Variants in CSMD1 observed in about 807,000 individuals in gnomAD.
CSMD1 encodes CUB and sushi domain-containing protein 1.
In CSMD1, 213 loss-of-function variants were observed where a neutral mutation model predicts 417.5. That is an observed-to-expected ratio of 0.51 (90% CI 0.46 to 0.57). The LOEUF (loss-of-function observed/expected upper bound fraction) is 0.57, where lower values mean the gene tolerates loss of function less well. Among genes scored for constraint, CSMD1 ranks in the 20% least tolerant of loss-of-function variants. CSMD1 has a pLI of 0.00. For synonymous variants in CSMD1, 2,862 were observed against 1,736.8 expected (o/e 1.65, Z -16.11); for missense variants, 6,923 against 4,529.7 (o/e 1.53, Z -15.17).
At chr8:4,443,064 A>C (rs1281521608) in intron 2 of CSMD1, among the ~76,000 whole-genome samples, 2 of 152,206 alleles carry the variant, frequency 1.3e-5, no homozygotes, top group African/African-American at 4.8e-5. Context: ...ATTATTTGAG[A>C]AGAGTCAGAG....
chr8:3,628,802 C>T (rs574594781), intron 7 of CSMD1, among the ~76,000 whole-genome samples: 8 of 152,250 alleles, frequency 5.3e-5, no homozygotes, highest in South Asian at 2.1e-4. Flanking sequence ...TTTTGGCACA[C>T]GTGTCCGAGC....
At chr8:3,001,572 T>G (rs889693138) in intron 52 of CSMD1, among the ~76,000 whole-genome samples, 1 of 152,208 alleles carries the variant, frequency 6.6e-6, no homozygotes, top group Non-Finnish European at 1.5e-5. Flanking sequence ...TCAACATTTC[T>G]TTTTGCTTAA....
intron 2 of CSMD1, among the ~76,000 whole-genome samples, chr8:4,595,227 G>C (rs1326469421): frequency 6.6e-6 from 1 of 151,926 alleles, no homozygotes; most frequent in Non-Finnish European, 1.5e-5. Flanking sequence ...AACTCAAATT[G>C]GCTTGAGTTG....
intron 25 of CSMD1, among the ~76,000 whole-genome samples, chr8:3,303,134 T>C (rs1804544917): frequency 6.6e-6 from 1 of 152,240 alleles, no homozygotes; most frequent in Admixed American, 6.5e-5. Flanking sequence ...TTGATAGGAA[T>C]GGAGAAATTG....
intron 3 of CSMD1, among the ~76,000 whole-genome samples, chr8:4,418,857 T>C (rs17070226): frequency 0.13 from 19,135 of 152,162 alleles, 1,461 homozygotes; most frequent in Non-Finnish European, 0.16. Context: ...TATGCACAAA[T>C]GCGGTGGCAT....
chr8:4,479,469 A>C (rs1351381209), intron 2 of CSMD1, among the ~76,000 whole-genome samples: 1 of 152,216 alleles, frequency 6.6e-6, no homozygotes, highest in East Asian at 1.9e-4. Context: ...CCATACAACC[A>C]AAATAACAAA....
chr8:3,356,924 G>A (rs918746839), intron 21 of CSMD1, among the ~76,000 whole-genome samples: 1 of 152,048 alleles, frequency 6.6e-6, no homozygotes, highest in African/African-American at 2.4e-5. Flanking sequence ...TGTTACACTG[G>A]GCAAATCGAT....
At chr8:4,645,889 A>G (rs559632024) in intron 1 of CSMD1, among the ~76,000 whole-genome samples, 1 of 152,236 alleles carries the variant, frequency 6.6e-6, no homozygotes, top group Admixed American at 6.5e-5. Context: ...GTACTTAAAC[A>G]TTGTACTTAA....
intron 3 of CSMD1, among the ~76,000 whole-genome samples, chr8:4,137,265 A>G (rs1803496930): frequency 2.0e-5 from 3 of 152,200 alleles, no homozygotes; most frequent in Non-Finnish European, 2.9e-5. Context: ...TGAGAAATTG[A>G]TAAAGAAACA....
At chr8:4,561,251 G>A (rs1177371424) in intron 2 of CSMD1, among the ~76,000 whole-genome samples, 1 of 152,174 alleles carries the variant, frequency 6.6e-6, no homozygotes, top group Non-Finnish European at 1.5e-5. Flanking sequence ...GTGTGTGCCT[G>A]TAATCCCAGC....
chr8:4,160,332 A>G (rs1050362245), intron 3 of CSMD1, among the ~76,000 whole-genome samples: 2 of 152,202 alleles, frequency 1.3e-5, no homozygotes, highest in Non-Finnish European at 2.9e-5. Context: ...TAAAATAATG[A>G]TTGAAAACCA....
chr8:4,785,656 T>C (rs1797365479), intron 1 of CSMD1, among the ~76,000 whole-genome samples: 2 of 152,100 alleles, frequency 1.3e-5, no homozygotes, highest in South Asian at 4.1e-4. Context: ...ACTTTGCTTT[T>C]AGAGAAAAAT....
intron 3 of CSMD1, among the ~76,000 whole-genome samples, chr8:4,301,732 T>C (rs1052046719): frequency 4.6e-5 from 7 of 152,200 alleles, no homozygotes; most frequent in Admixed American, 3.9e-4. Flanking sequence ...TTGCTGTGGG[T>C]TTCATCTTCA....
At chr8:4,250,210 G>C (rs1451945298) in intron 3 of CSMD1, among the ~76,000 whole-genome samples, 1 of 152,136 alleles carries the variant, frequency 6.6e-6, no homozygotes, top group Admixed American at 6.5e-5. Flanking sequence ...CTGGTCTGTA[G>C]TATTTTGTTA....
At chr8:3,196,058 C>G (rs1214263992) in intron 33 of CSMD1, among the ~76,000 whole-genome samples, 2 of 152,090 alleles carry the variant, frequency 1.3e-5, no homozygotes, top group Non-Finnish European at 2.9e-5. Context: ...ACCTTCCTGA[C>G]AAAAAGACGC....
intron 2 of CSMD1, among the ~76,000 whole-genome samples, chr8:4,456,310 C>G (rs1585107409): frequency 1.3e-5 from 2 of 152,120 alleles, no homozygotes; most frequent in African/African-American, 2.4e-5. Context: ...GTAATAAAGA[C>G]AGCAGTAATA....
rs181815835 is a variant in CSMD1 at position 4,731,910 on chromosome 8, G to C, written c.86-94352C>G. 5.3e-5 allele frequency among the ~76,000 whole-genome samples: 8 copies of C among 152,050 alleles called. No homozygotes were observed. The East Asian group carries it at 1.5e-3, about 29-fold the overall frequency. On this transcript the variant is annotated intron_variant, in intron 1 of 69. Coordinates refer to ENST00000635120, the MANE Select transcript of CSMD1 (RefSeq NM_033225.6). ...TCTCTTCTAATATTACATTCTTATA[G>C]GGCCAAAGATAAAAATAATAATAGT... is the stretch of plus-strand genomic sequence containing the variant.
chr8:4,799,475 T>G (rs1478308619), intron 1 of CSMD1, among the ~76,000 whole-genome samples: 3 of 151,694 alleles, frequency 2.0e-5, no homozygotes, highest in African/African-American at 4.8e-5. Flanking sequence ...GGTGTGTGCC[T>G]GTAGCCCCAG....
intron 3 of CSMD1, among the ~76,000 whole-genome samples, chr8:4,332,554 C>CACAT (rs1192313154): frequency 1.5e-3 from 19 of 12,682 alleles, no homozygotes; most frequent in Non-Finnish European, 8.5e-4. Context: ...ATATCACATA[C>CACAT]ACACACACAC....
Sources: gnomAD v4.1 joint callset for allele counts (sites outside exome capture counted in the v4.1 genomes callset) on GRCh38, gnomAD v4.1.1 for gene constraint, MANE v1.5 for transcripts, NCBI Gene and HGNC (gene_info 2026-07-23, HGNC 2026-07-21) for gene names.